NEB: variants seen among roughly 807,000 people sequenced by gnomAD.
The protein encoded by NEB is nebulin.
In NEB, 512 loss-of-function variants were observed where a neutral mutation model predicts 952.2. The ratio of observed to expected loss-of-function variants is 0.54; its 90% confidence interval spans 0.50 to 0.58. The LOEUF (loss-of-function observed/expected upper bound fraction) is 0.58. NEB is among the 20% of genes least tolerant of loss of function. NEB has a pLI of 0.00. For synonymous variants in NEB, 2,900 were observed against 3,149.8 expected (o/e 0.92, Z 2.66); for missense variants, 8,428 against 9,231.1 (o/e 0.91, Z 3.56).
At position 151,497,126 on chromosome 2, in the gene NEB, C is replaced by A. The variant is rs188042437; in HGVS notation, c.24301-93G>T. On this transcript the variant is annotated intron_variant, in intron 171 of 181. Coordinates refer to ENST00000397345, the MANE Select transcript of NEB (RefSeq NM_001164508.2). ...GGTAAGGTCAGCTTCCTTGTTAAGACAAAACACAGTTGTCCAAGGAGCCAG... is the reference window on the plus strand; with the variant it reads ...GGTAAGGTCAGCTTCCTTGTTAAGAAAAAACACAGTTGTCCAAGGAGCCAG... 2.1e-3 allele frequency: 2,930 copies of A among 1,428,908 alleles called. 50 individuals are homozygous for A. The South Asian group carries it at 0.027, about 13-fold the overall frequency. 88.5% of individuals were successfully genotyped at this position (1,428,908 alleles called of 1,614,324 possible). A position where few individuals can be genotyped will look rare whatever the true frequency, so the allele number is the denominator to read the frequency against.
chr2:151,520,694 T>C (rs2081320744), intron 153 of NEB, among the ~76,000 whole-genome samples: 1 of 151,986 alleles, frequency 6.6e-6, no homozygotes, highest in Non-Finnish European at 1.5e-5. Flanking sequence ...TGAAACCCCA[T>C]CTCCACTAAA....
At chr2:151,682,173 A>G (rs2099418882) in intron 29 of NEB, among the ~76,000 whole-genome samples, 1 of 152,176 alleles carries the variant, frequency 6.6e-6, no homozygotes, top group Non-Finnish European at 1.5e-5. Flanking sequence ...TAGAGACAGA[A>G]TGCAAATCAG....
intron 162 of NEB, 166 bp from the exon 163 acceptor site, chr2:151,507,179 G>A (rs2069803827): frequency 1.1e-5 from 6 of 556,720 alleles, no homozygotes; most frequent in South Asian, 4.9e-5. Context: ...TAAGAATTTT[G>A]TGGAGAAACT....
rs75880964 is a variant in NEB at position 151,706,547 on chromosome 2, G to C, written c.1152+334C>G. On this transcript the variant is annotated intron_variant, in intron 13 of 181. Transcript: ENST00000397345. ...GATCTATCTTTGAAAGTCTCCTTCT[G>C]CTTCTGTCAAAATCACAACACGTCT... is the stretch of plus-strand genomic sequence containing the variant. Among the ~76,000 whole-genome samples, 508 of 152,224 alleles carry C rather than the reference G, an allele frequency of 3.3e-3. 3 individuals are homozygous for C. The highest frequency in any genetic ancestry group is 0.011 in the African/African-American group (468 of 41,508).
chr2:151,639,712 A>G, intron 62 of NEB, 145 bp downstream of exon 62: 1 of 675,370 alleles, frequency 1.5e-6, no homozygotes. Flanking sequence ...TCAGTTATTA[A>G]TAGATAGATG....
At chr2:151,505,379 T>C (rs1382005529) in intron 165 of NEB, 99 bp downstream of exon 165, 2 of 1,044,682 alleles carry the variant, frequency 1.9e-6, no homozygotes, top group African/African-American at 1.6e-5. Flanking sequence ...CCCCAAGGCA[T>C]GGAAGCTCTT....
chr2:151,724,754 G>T, intron 7 of NEB, 103 bp downstream of exon 7: 1 of 869,704 alleles, frequency 1.1e-6, no homozygotes, highest in Non-Finnish European at 1.8e-6. Context: ...CTGCCCATGA[G>T]GCTGGTGGGC....
In NEB at chr2:151,538,181, C is replaced by T; in HGVS notation, c.20956G>A (p.Asp6986Asn). ...GKYHTVKDAL[D>N]IVYHRKVTDD... ...GTGACTTTGCGATGATAGACAATGT[C>T]TAGGGCATCTTTCACCGTGTGGTAT... is the stretch of plus-strand genomic sequence containing the variant. The change falls in exon 139 of 182, where the codon GAC becomes AAC. Residue 6986 changes from aspartate to asparagine, a missense_variant. Asp to Asn is a conservative substitution (Grantham distance 23). Transcript: ENST00000397345. The T allele has an allele frequency of 6.2e-7, 1 of 1,613,138 alleles. No homozygotes were observed. The highest frequency in any genetic ancestry group is 8.5e-7 in the Non-Finnish European group (1 of 1,179,218).
intron 181 of NEB, among the ~76,000 whole-genome samples, chr2:151,488,220 A>G (rs1348720019): frequency 3.3e-5 from 5 of 151,984 alleles, no homozygotes; most frequent in Non-Finnish European, 7.4e-5. Flanking sequence ...GTATGCTGTA[A>G]ATGTTTTCTC....
In NEB at chr2:151,537,883, T is replaced by C. The variant is rs1324949072; in HGVS notation, c.21091A>G (p.Thr7031Ala). ...ATGTCAACACTCACATCACTGACTGTGTCAGTGACTGCTCGGTGGTGGAAA... is the reference window on the plus strand; with the variant it reads ...ATGTCAACACTCACATCACTGACTGCGTCAGTGACTGCTCGGTGGTGGAAA... ...EHFHHRAVTD[T>A]VSDVKYKEDL... The change falls in exon 140 of 182, where the codon ACA becomes GCA. Residue 7031 changes from threonine (T) to alanine (A), a missense_variant. Transcript: ENST00000397345. 2 of 1,600,200 alleles carry C rather than the reference T, an allele frequency of 1.2e-6. No homozygotes were observed.
intron 117 of NEB, among the ~76,000 whole-genome samples, chr2:151,564,351 C>T (rs926754920): frequency 6.6e-6 from 1 of 152,038 alleles, no homozygotes; most frequent in African/African-American, 2.4e-5. Context: ...GATGGGGTTT[C>T]ACCGTGTTGG....
intron 37 of NEB, 59 bp from the exon 38 acceptor site, chr2:151,671,288 T>C (rs781691326): frequency 2.9e-6 from 4 of 1,400,312 alleles, no homozygotes; most frequent in Non-Finnish European, 4.0e-6. Flanking sequence ...GGGATGTTTC[T>C]GGGATCTGCA....
At chr2:151,707,040 T>C in intron 12 of NEB, 43 bp from the exon 13 acceptor site, 1 of 1,295,936 alleles carries the variant, frequency 7.7e-7, no homozygotes, top group Non-Finnish European at 1.1e-6. Context: ...CTATGGGTTA[T>C]TTTTGCCCCC....
In NEB at chr2:151,666,271, C is replaced by T. The variant is rs764120498; in HGVS notation, c.4850G>A (p.Gly1617Asp). The T allele has an allele frequency of 3.1e-6, 5 of 1,613,772 alleles. No individual in the cohort carries two copies. The highest frequency in any genetic ancestry group is 1.3e-5 in the African/African-American group (1 of 74,916). The change falls in exon 41 of 182, where the codon GGC becomes GAC. Residue 1617 changes from glycine to aspartate, a missense_variant. Transcript: ENST00000397345. ...GTACTTGGTCTTGCTGGCTTCATAGCCCTTTTTGTACTCACGATCAGACTG... is the reference window on the plus strand; with the variant it reads ...GTACTTGGTCTTGCTGGCTTCATAGTCCTTTTTGTACTCACGATCAGACTG... ...KIQSDREYKK[G>D]YEASKTKYHT...
At chr2:151,518,902 C>T (rs1344757304) in intron 155 of NEB, 63 bp downstream of exon 155, 1 of 1,127,440 alleles carries the variant, frequency 8.9e-7, no homozygotes, top group Admixed American at 1.8e-5. Flanking sequence ...CATCTGGGCT[C>T]AGAAAGAATT....
chr2:151,626,929 C>T, intron 70 of NEB, 73 bp downstream of exon 70: 1 of 1,537,854 alleles, frequency 6.5e-7, no homozygotes, highest in Non-Finnish European at 8.9e-7. Context: ...AAAAAAGAGA[C>T]TAACTTAATT....
chr2:151,671,389 GA>G (rs2099288010), intron 37 of NEB, 160 bp from the exon 38 acceptor site: 4 of 631,164 alleles, frequency 6.3e-6, no homozygotes, highest in Admixed American at 2.9e-5. Flanking sequence ...GTAATAAGAA[GA>G]AGCTGTTCTG....
Position 151,553,510 on chromosome 2 carries a change from GTTTTGAT to G in NEB, c.19627-15_19627-9del. 1 of 1,582,782 alleles carries G rather than the reference GTTTTGAT, an allele frequency of 6.3e-7. No homozygotes were observed. The highest frequency in any genetic ancestry group is 8.6e-7 in the Non-Finnish European group (1 of 1,156,230). On this transcript the variant is annotated splice_polypyrimidine_tract_variant and intron_variant, in intron 126 of 181. Transcript: ENST00000397345. ...GTCATCCTTGTATACAATCTAGAGGGTTTTGATAGAAAGGATCAGAAAAAAAAAATTG... is the reference window on the plus strand; with the variant it reads ...GTCATCCTTGTATACAATCTAGAGGGAGAAAGGATCAGAAAAAAAAAATTG...
At chr2:151,576,564 T>G (rs1578291455) in intron 105 of NEB, among the ~76,000 whole-genome samples, 1 of 130,906 alleles carries the variant, frequency 7.6e-6, no homozygotes, top group Non-Finnish European at 1.6e-5. Context: ...CAGAGTCTCA[T>G]TCTGTCACCC....
Sources: allele counts gnomAD v4.1 joint callset (sites outside exome capture counted in the v4.1 genomes callset), GRCh38; gene constraint gnomAD v4.1.1; transcripts MANE v1.5; gene names NCBI Gene and HGNC (gene_info 2026-07-23, HGNC 2026-07-21).